PCF11: variants seen among roughly 807,000 people sequenced by gnomAD.
PCF11 encodes the protein PCF11 cleavage and polyadenylation factor subunit.
Under a neutral mutation model 166.1 loss-of-function variants are expected in PCF11, and 19 were observed. The observed-to-expected ratio is 0.11, with a 90% CI of 0.08 to 0.17. PCF11 has a LOEUF of 0.17. Ranked by LOEUF, PCF11 falls within the 10% of genes least tolerant of loss-of-function variation. PCF11 has a pLI of 1.00. For synonymous variants in PCF11, 663 were observed against 644.1 expected (o/e 1.03, Z -0.44); for missense variants, 1,565 against 1,855.5 (o/e 0.84, Z 2.88).
rs572461348 is a variant in PCF11 at position 83,173,525 on chromosome 11, T to G, written c.3757+1611T>G. 7.8e-4 allele frequency among the ~76,000 whole-genome samples: 118 copies of G among 150,756 alleles called. 1 individual carries two copies. The highest frequency in any genetic ancestry group is 1.0e-3 in the South Asian group (5 of 4,814). On this transcript the variant is annotated intron_variant, in intron 9 of 15. Coordinates refer to ENST00000298281, the Ensembl canonical transcript of PCF11. ...AGTATTTGTCTGTTTTGTTGTTGTT[T>G]TTTTTTTTTTAGAGAATCAAATGAT...
Position 83,161,299 on chromosome 11 carries a change from C to T in PCF11, c.193-28C>T, listed in dbSNP as rs1358744832. 1.9e-6 allele frequency: 3 copies of T among 1,566,848 alleles called. No individual in the cohort carries two copies. The South Asian group carries it at 3.5e-5, about 18-fold the overall frequency. Reference sequence around the variant, plus strand: ...AATTATTTGGTGGTAATTCATTATACTAAACTTCTCAGTTTCTTTTTATTC... The same window carrying T: ...AATTATTTGGTGGTAATTCATTATATTAAACTTCTCAGTTTCTTTTTATTC... On this transcript the variant is annotated intron_variant, in intron 1 of 15. Coordinates refer to ENST00000298281, the Ensembl canonical transcript of PCF11.
At position 83,167,482 on chromosome 11, in the gene PCF11, G is replaced by A. The variant is rs1860511753; in HGVS notation, c.2069G>A (p.Arg690Gln). Residue 690 changes from arginine (R) to glutamine (Q), a missense_variant, in exon 7 of 16, where the codon CGA becomes CAA. Transcript: ENST00000298281. This position sits in a 1 kb window ranked among gnomAD's most constrained non-coding sequence, Gnocchi z 4.2. Reference sequence around the variant, plus strand: ...TTCCTTGTTGTTGTGCATCAAATTCGACAGCTATTTCAGTATCAAGAAGGT... The same window carrying A: ...TTCCTTGTTGTTGTGCATCAAATTCAACAGCTATTTCAGTATCAAGAAGGT... The A allele has an allele frequency of 2.5e-6, 4 of 1,609,858 alleles. No individual in the cohort carries two copies. Among genetic ancestry groups the A allele is most frequent in the African/African-American group, 1.3e-5 (1 of 74,744 alleles).
exon 10 of PCF11, chr11:83,177,131 T>G (rs1317357691): frequency 6.3e-7 from 1 of 1,580,750 alleles, no homozygotes. Context: ...GTCAGGTGGA[T>G]GTAAATGAAT....
intron 4 of PCF11, among the ~76,000 whole-genome samples, 174 bp from the exon 5 acceptor site, chr11:83,165,426 T>C (rs192871962): frequency 4.7e-4 from 72 of 152,342 alleles, no homozygotes; most frequent in Non-Finnish European, 1.0e-4. Flanking sequence ...ACTTAAATCA[T>C]GGACTTTTTC....
intron 9 of PCF11, among the ~76,000 whole-genome samples, chr11:83,174,426 C>T (rs1014451983): frequency 1.3e-5 from 2 of 150,768 alleles, no homozygotes; most frequent in Non-Finnish European, 3.0e-5. Flanking sequence ...ACTATGTAGC[C>T]CAGGCTGGTC....
intron 11 of PCF11, among the ~76,000 whole-genome samples, chr11:83,178,858 T>A (rs1342221780): frequency 2.0e-5 from 3 of 152,040 alleles, no homozygotes; most frequent in Non-Finnish European, 4.4e-5. Context: ...TAATGTTAAT[T>A]GTGGAAAATT....
At position 83,182,063 on chromosome 11, in the gene PCF11, T is replaced by C. The variant is rs1226380233; in HGVS notation, c.4323+54T>C. 5.6e-6 allele frequency: 8 copies of C among 1,435,380 alleles called. No homozygotes were observed. In the East Asian group the frequency reaches 1.4e-4, roughly 25 times the overall value. 88.9% of individuals were successfully genotyped at this position (1,435,380 alleles called of 1,614,324 possible). A position where few individuals can be genotyped will look rare whatever the true frequency, so the allele number is the denominator to read the frequency against. On this transcript the variant is annotated intron_variant, in intron 13 of 15. Transcript: ENST00000298281. ...CAGTGGGAGTGTCCCTCACTTCCTT[T>C]ATGTAAATACTCATAAACACATCAC...
chr11:83,183,652 G>A (rs1861162437), intron 15 of PCF11, among the ~76,000 whole-genome samples: 1 of 151,764 alleles, frequency 6.6e-6, no homozygotes, highest in African/African-American at 2.4e-5. Context: ...CACCACACCT[G>A]GCTAATTTTG....
chr11:83,176,910 A>C (rs1860904927), intron 9 of PCF11, among the ~76,000 whole-genome samples, 175 bp from the exon 10 acceptor site: 1 of 152,180 alleles, frequency 6.6e-6, no homozygotes, highest in Non-Finnish European at 1.5e-5. Context: ...CTAAATGAAA[A>C]GATAATCTTA....
chr11:83,175,626 G>A (rs569293268), intron 9 of PCF11, among the ~76,000 whole-genome samples: 4 of 152,104 alleles, frequency 2.6e-5, no homozygotes, highest in African/African-American at 7.2e-5. Flanking sequence ...GTGGTGGCAC[G>A]CACCTGTAGT....
At chr11:83,164,868 A>G (rs913738562) in intron 4 of PCF11, among the ~76,000 whole-genome samples, 1 of 152,212 alleles carries the variant, frequency 6.6e-6, no homozygotes, top group African/African-American at 2.4e-5. Flanking sequence ...GTCTCAAGAA[A>G]ACCCTCCAAA....
chr11:83,178,445 T>C (rs1020410143), intron 11 of PCF11, among the ~76,000 whole-genome samples: 5 of 152,180 alleles, frequency 3.3e-5, no homozygotes, highest in African/African-American at 9.7e-5. Flanking sequence ...TCTGTATTGA[T>C]ATTCTTAACA....
rs764586852 is a variant in PCF11, at chr11:83,185,806, CTTCT to C, written c.*915_*918del. 1.3e-4 allele frequency: 19 copies of C among 146,602 alleles called. No homozygotes were observed. The highest frequency in any genetic ancestry group is 2.4e-4 in the Non-Finnish European group (16 of 67,978). 9.1% of individuals were successfully genotyped at this position (146,602 alleles called of 1,614,324 possible). A position where few individuals can be genotyped will look rare whatever the true frequency, so the allele number is the denominator to read the frequency against. On this transcript the variant is annotated 3_prime_UTR_variant, in exon 16 of 16. Coordinates refer to ENST00000298281, the Ensembl canonical transcript of PCF11. ...GAATGATGAAGAAACTTTGTTTGTA[CTTCT>C]TTATTTCTTGAAAAGCTTTAGAATG...
exon 8 of PCF11, chr11:83,168,488 A>G (rs1860552855): frequency 1.9e-6 from 3 of 1,613,386 alleles, no homozygotes; most frequent in Admixed American, 3.3e-5. Context: ...CGACCTCGAT[A>G]TGAAGATTCA....
At chr11:83,181,922 G>A (rs1861100284) in exon 13 of PCF11, 1 of 1,612,196 alleles carries the variant, frequency 6.2e-7, no homozygotes, top group South Asian at 1.1e-5. Context: ...TTGAAAAGGT[G>A]CATGAAGAAG....
At chr11:83,176,702 G>C (rs948349819) in intron 9 of PCF11, among the ~76,000 whole-genome samples, 5 of 152,040 alleles carry the variant, frequency 3.3e-5, no homozygotes, top group African/African-American at 9.7e-5. Flanking sequence ...GGGGGGTCTG[G>C]GGGAGGGATA....
Position 83,164,410 on chromosome 11 carries a change from G to C in PCF11, c.702+9G>C, listed in dbSNP as rs1300477387. On this transcript the variant is annotated intron_variant, in intron 4 of 15. Coordinates refer to ENST00000298281, the Ensembl canonical transcript of PCF11. ...AAGCTAAGGCACAGTTGGTAAGTAAGGGAGATTGTCATTTTAAATATTTTA... is the reference window on the plus strand; with the variant it reads ...AAGCTAAGGCACAGTTGGTAAGTAACGGAGATTGTCATTTTAAATATTTTA... 6.3e-7 allele frequency: 1 copy of C among 1,596,174 alleles called. No individual in the cohort carries two copies. The highest frequency in any genetic ancestry group is 1.4e-5 in the African/African-American group (1 of 74,000).
chr11:83,157,445 A>C, exon 1 of PCF11: 2 of 1,609,422 alleles, frequency 1.2e-6, no homozygotes, highest in Non-Finnish European at 1.7e-6. Flanking sequence ...GCGCAATGTC[A>C]GAGCAGACGC....
Position 83,186,403 on chromosome 11 carries a change from C to T in PCF11, c.*1509C>T, listed in dbSNP as rs558605600. Reference sequence around the variant, plus strand: ...GTAGTTTTGAATAGATTATGATGAGCCATTAATTTTTTTAGTAGAAATGGA... The same window carrying T: ...GTAGTTTTGAATAGATTATGATGAGTCATTAATTTTTTTAGTAGAAATGGA... On this transcript the variant is annotated 3_prime_UTR_variant, in exon 16 of 16. Coordinates refer to ENST00000298281, the Ensembl canonical transcript of PCF11. 5.3e-5 allele frequency: 8 copies of T among 152,288 alleles called. No homozygotes were observed. In the East Asian group the frequency reaches 9.6e-4, roughly 18 times the overall value. 9.4% of individuals were successfully genotyped at this position (152,288 alleles called of 1,614,324 possible). A position where few individuals can be genotyped will look rare whatever the true frequency, so the allele number is the denominator to read the frequency against.
Sources: allele counts gnomAD v4.1 joint callset (sites outside exome capture counted in the v4.1 genomes callset), GRCh38; gene constraint gnomAD v4.1.1; non-coding constraint Gnocchi (gnomAD v3.1); transcripts MANE v1.5; gene names NCBI Gene and HGNC (gene_info 2026-07-23, HGNC 2026-07-21).